The following MACROD2 variants were observed in gnomAD, a reference collection of about 807,000 sequenced individuals.
The protein encoded by MACROD2 is ADP-ribose glycohydrolase MACROD2.
In MACROD2, 36 loss-of-function variants were observed where a neutral mutation model predicts 70.4. The observed-to-expected ratio is 0.51, with a 90% CI of 0.39 to 0.68. The LOEUF is 0.68. Ranked by LOEUF, MACROD2 falls within the 30% of genes least tolerant of loss-of-function variation. The pLI is 0.00. For missense variants in MACROD2, 496 were observed against 538.4 expected (o/e 0.92, Z 0.78); for synonymous variants, 172 against 178.8 (o/e 0.96, Z 0.30).
intron 5 of MACROD2, among the ~76,000 whole-genome samples, chr20:15,192,082 A>C (rs1329345616): frequency 6.6e-6 from 1 of 150,870 alleles, no homozygotes; most frequent in Non-Finnish European, 1.5e-5. Flanking sequence ...CTCTCTCTCC[A>C]TATATATTAG....
intron 9 of MACROD2, among the ~76,000 whole-genome samples, chr20:15,867,973 G>A (rs1197441042): frequency 6.6e-6 from 1 of 152,116 alleles, no homozygotes; most frequent in Non-Finnish European, 1.5e-5. Flanking sequence ...AGAGGTTACT[G>A]TGCTCTAGTG....
intron 3 of MACROD2, among the ~76,000 whole-genome samples, chr20:14,409,774 T>C (rs2083729988): frequency 6.6e-6 from 1 of 152,094 alleles, no homozygotes; most frequent in South Asian, 2.1e-4. Context: ...TAATTGCTGC[T>C]CGGGTTGGAG....
At chr20:14,075,901 G>A (rs994455321) in intron 2 of MACROD2, among the ~76,000 whole-genome samples, 1 of 152,272 alleles carries the variant, frequency 6.6e-6, no homozygotes, top group Non-Finnish European at 1.5e-5. Context: ...AAAGCTGTTC[G>A]ATGTCACCTC....
chr20:14,591,627 G>A (rs1343222497), intron 4 of MACROD2, among the ~76,000 whole-genome samples: 1 of 152,168 alleles, frequency 6.6e-6, no homozygotes, highest in Non-Finnish European at 1.5e-5. Flanking sequence ...ACTTAACATA[G>A]TGTGGTGTCT....
At chr20:14,019,077 T>C (rs1427755897) in intron 2 of MACROD2, among the ~76,000 whole-genome samples, 1 of 152,128 alleles carries the variant, frequency 6.6e-6, no homozygotes, top group Non-Finnish European at 1.5e-5. Flanking sequence ...TGCTTCTTAA[T>C]TTGCTCTGCC....
chr20:15,077,195 TTTTG>T (rs566178648), intron 5 of MACROD2, among the ~76,000 whole-genome samples: 5 of 152,170 alleles, frequency 3.3e-5, no homozygotes, highest in East Asian at 1.9e-4. Context: ...TAACTCCTTT[TTTTG>T]TTTGTTTGTT....
intron 2 of MACROD2, among the ~76,000 whole-genome samples, chr20:14,079,888 A>T (rs953735595): frequency 6.6e-6 from 1 of 152,134 alleles, no homozygotes; most frequent in South Asian, 2.1e-4. Context: ...GCAAGAGTTG[A>T]GCAGCAGGTG....
chr20:14,566,436 C>CA (rs910618280), intron 4 of MACROD2: 56 of 148,120 alleles, frequency 3.8e-4, no homozygotes, highest in African/African-American at 1.1e-3. Context: ...GTCCCCACCT[C>CA]AAAAAAAAAA....
intron 3 of MACROD2, among the ~76,000 whole-genome samples, chr20:14,143,650 A>G (rs112199901): frequency 0.013 from 2,035 of 152,240 alleles, 20 homozygotes; most frequent in Non-Finnish European, 0.021. Context: ...GCAGAAGTGT[A>G]TGTTGGTTCA....
chr20:14,443,833 A>C (rs898817328), intron 3 of MACROD2, among the ~76,000 whole-genome samples: 1 of 152,134 alleles, frequency 6.6e-6, no homozygotes, highest in South Asian at 2.1e-4. Flanking sequence ...CAAGATAGGA[A>C]TAATCACAGG....
intron 3 of MACROD2, among the ~76,000 whole-genome samples, chr20:14,457,730 T>C (rs542984344): frequency 1.3e-5 from 2 of 152,296 alleles, no homozygotes; most frequent in South Asian, 2.1e-4. Flanking sequence ...CCGTTAATGA[T>C]GTCCACAGCG....
chr20:15,308,980 C>T (rs556370389), intron 6 of MACROD2, among the ~76,000 whole-genome samples: 5 of 152,136 alleles, frequency 3.3e-5, no homozygotes, highest in African/African-American at 1.2e-4. Flanking sequence ...TTTCACCTCC[C>T]CCTTTGGATT....
At chr20:14,984,967 G>A (rs2074835494) in intron 5 of MACROD2, among the ~76,000 whole-genome samples, 2 of 152,172 alleles carry the variant, frequency 1.3e-5, no homozygotes, top group Admixed American at 6.5e-5. Flanking sequence ...TCCTTCCCTT[G>A]TCTCTGGGAG....
intron 2 of MACROD2, among the ~76,000 whole-genome samples, chr20:14,066,547 A>T (rs1409753446): frequency 6.6e-6 from 1 of 152,214 alleles, no homozygotes; most frequent in Non-Finnish European, 1.5e-5. Context: ...AAAATTTCAA[A>T]ATTTTACCCA....
At chr20:15,277,509 T>A (rs2077404226) in intron 6 of MACROD2, among the ~76,000 whole-genome samples, 1 of 152,228 alleles carries the variant, frequency 6.6e-6, no homozygotes, top group African/African-American at 2.4e-5. Context: ...CCAGTGTTTC[T>A]CAAACTTAAT....
chr20:15,806,722 G>A (rs1246558627), intron 8 of MACROD2, among the ~76,000 whole-genome samples: 2 of 151,862 alleles, frequency 1.3e-5, no homozygotes, highest in East Asian at 3.9e-4. Context: ...TGGAGGAATG[G>A]GCATTCAGCC....
chr20:15,145,304 G>T (rs551538701), intron 5 of MACROD2, among the ~76,000 whole-genome samples: 1 of 152,198 alleles, frequency 6.6e-6, no homozygotes, highest in East Asian at 1.9e-4. Context: ...GGGTTTCAAG[G>T]ATAAATTTCT....
At chr20:15,908,088 A>G in intron 10 of MACROD2, among the ~76,000 whole-genome samples, 1 of 152,206 alleles carries the variant, frequency 6.6e-6, no homozygotes, top group Non-Finnish European at 1.5e-5. Context: ...TTTGGAGGGT[A>G]CAGACCATTA....
intron 6 of MACROD2, among the ~76,000 whole-genome samples, chr20:15,268,879 AAC>A (rs1399576266): frequency 2.6e-5 from 4 of 152,294 alleles, no homozygotes; most frequent in Admixed American, 1.3e-4. Context: ...CGGGAAAAAA[AAC>A]AGTCTTCTCC....
Sources: allele counts gnomAD v4.1 joint callset (sites outside exome capture counted in the v4.1 genomes callset), GRCh38; gene constraint gnomAD v4.1.1; transcripts MANE v1.5; gene names NCBI Gene and HGNC (gene_info 2026-07-23, HGNC 2026-07-21).